Variants in BHMT observed in about 807,000 individuals in gnomAD.
BHMT encodes the protein betaine--homocysteine S-methyltransferase.
BHMT carries 38 observed loss-of-function variants against 49.5 expected under a neutral mutation model. That is an observed-to-expected ratio of 0.77 (90% CI 0.59 to 1.01). The LOEUF (loss-of-function observed/expected upper bound fraction) is 1.01. Among genes scored for constraint, BHMT ranks in the 50% least tolerant of loss-of-function variants. The pLI is 0.00. For synonymous variants in BHMT, 166 were observed against 176.3 expected, an observed-to-expected ratio of 0.94 and a Z score of 0.46; for missense variants, 426 against 495.7, an observed-to-expected ratio of 0.86 and a Z score of 1.34.
intron 5 of BHMT, among the ~76,000 whole-genome samples, chr5:79,123,443 T>C (rs754901955): frequency 8.5e-5 from 13 of 152,350 alleles, no homozygotes; most frequent in Admixed American, 2.0e-4. Context: ...ATAATCTCTC[T>C]TGCTCTTGTT....
intron 1 of BHMT, among the ~76,000 whole-genome samples, chr5:79,113,144 A>G (rs1756333522): frequency 6.6e-6 from 1 of 152,204 alleles, no homozygotes. Context: ...CAGATTCTAA[A>G]TGCAGCATCG....
Position 79,127,737 on chromosome 5 carries a change from T to C in BHMT, c.809-18T>C, listed in dbSNP as rs1189235692. 1.2e-6 allele frequency: 2 copies of C among 1,613,642 alleles called. No homozygotes were observed. Among genetic ancestry groups the C allele is most frequent in the South Asian group, 1.1e-5 (1 of 90,958 alleles). The stretch of plus-strand genomic sequence containing the variant: ...AAAGAATGTATAATGCCTAATGGCA[T>C]AATGCCACTTATTACAGGACTGGAA... On this transcript the variant is annotated intron_variant, in intron 6 of 7. Coordinates refer to ENST00000274353, the MANE Select transcript of BHMT (RefSeq NM_001713.3).
intron 5 of BHMT, among the ~76,000 whole-genome samples, chr5:79,122,658 T>C (rs1008155693): frequency 2.0e-5 from 3 of 151,866 alleles, no homozygotes; most frequent in Non-Finnish European, 4.4e-5. Flanking sequence ...GACTTGGATA[T>C]TGTGGATATA....
At position 79,111,876 on chromosome 5, in the gene BHMT, C is replaced by T. The variant is rs755141410; in HGVS notation, c.-10C>T. 1.9e-6 allele frequency: 3 copies of T among 1,612,456 alleles called. No individual in the cohort carries two copies. Among genetic ancestry groups the T allele is most frequent in the African/African-American group, 2.7e-5 (2 of 74,852 alleles). On this transcript the variant is annotated 5_prime_UTR_variant, in exon 1 of 8. Coordinates refer to ENST00000274353, the MANE Select transcript of BHMT (RefSeq NM_001713.3). ...CATCCGTGTCGACCACCTGTCTGGA[C>T]ACCACGAAGATGCCACCCGTTGGGG...
At chr5:79,114,178 G>C (rs868391183) in intron 1 of BHMT, among the ~76,000 whole-genome samples, 2 of 151,280 alleles carry the variant, frequency 1.3e-5, no homozygotes, top group South Asian at 4.2e-4. Context: ...TTTCAGATGT[G>C]ACATTTAGAT....
Position 79,115,994 on chromosome 5 carries a change from G to C in BHMT, c.166+95G>C, listed in dbSNP as rs947968027. 4 of 1,400,846 alleles carry C rather than the reference G, an allele frequency of 2.9e-6. No individual in the cohort carries two copies. The African/African-American group carries it at 5.9e-5, about 21-fold the overall frequency. The allele number at this position is 1,400,846 out of a possible 1,614,324, so 86.8% of individuals were successfully genotyped here. ...GCAACTCAGGAGGCTGAGGTGGGAA[G>C]ACCACTTGAGCCCAGGAGTTCAAGA... is the stretch of plus-strand genomic sequence containing the variant. On this transcript the variant is annotated intron_variant, in intron 2 of 7. Transcript: ENST00000274353.
chr5:79,111,823 C>G lies in BHMT; in HGVS notation c.-63C>G, dbSNP rs1756303506. On this transcript the variant is annotated 5_prime_UTR_variant, in exon 1 of 8. Coordinates refer to ENST00000274353, the MANE Select transcript of BHMT (RefSeq NM_001713.3). ...GGACTCGGAGCAGCTCGGGGCTGCG[C>G]AGCGGGAAGGCTCGCCTAGTCGGTC... The G allele has an allele frequency of 1.5e-5, 24 of 1,603,136 alleles. No homozygotes were observed. The South Asian group carries it at 2.6e-4, about 17-fold the overall frequency.
intron 2 of BHMT, among the ~76,000 whole-genome samples, chr5:79,117,910 T>C (rs1469176154): frequency 6.6e-6 from 1 of 152,192 alleles, no homozygotes; most frequent in Non-Finnish European, 1.5e-5. Flanking sequence ...GGAGTTTTTT[T>C]CCACTATCTT....
intron 1 of BHMT, 92 bp from the exon 2 acceptor site, chr5:79,115,675 A>G: frequency 7.3e-7 from 1 of 1,371,704 alleles, no homozygotes. Context: ...ATAACCACAC[A>G]TCTCCAAGAA....
chr5:79,131,454 CAT>C lies in BHMT; in HGVS notation c.*339_*340del, dbSNP rs1273234469. The C allele has an allele frequency of 5.3e-6, 1 of 188,418 alleles. No individual in the cohort carries two copies. Among genetic ancestry groups the C allele is most frequent in the Admixed American group, 5.9e-5 (1 of 16,860 alleles). The allele number at this position is 188,418 out of a possible 1,614,324, so 11.7% of individuals were successfully genotyped here. ...TGGTAGGCTAGCAAAGAGGATGAGA[CAT>C]GAACTGTCATAAAGGACTCAGCAAC... is the stretch of plus-strand genomic sequence containing the variant. On this transcript the variant is annotated 3_prime_UTR_variant, in exon 8 of 8. Coordinates refer to ENST00000274353, the MANE Select transcript of BHMT (RefSeq NM_001713.3).
At chr5:79,122,989 G>A (rs914889493) in intron 5 of BHMT, among the ~76,000 whole-genome samples, 1 of 152,136 alleles carries the variant, frequency 6.6e-6, no homozygotes, top group African/African-American at 2.4e-5. Context: ...TTAGCCTTGA[G>A]GAGGAGACAG....
intron 5 of BHMT, among the ~76,000 whole-genome samples, chr5:79,124,786 T>C (rs964216005): frequency 6.6e-6 from 1 of 152,154 alleles, no homozygotes; most frequent in African/African-American, 2.4e-5. Context: ...GAGGCTGAAA[T>C]GTAAATTAAA....
chr5:79,126,333 T>C, intron 6 of BHMT, 105 bp downstream of exon 6: 1 of 1,325,612 alleles, frequency 7.5e-7, no homozygotes, highest in South Asian at 1.3e-5. Flanking sequence ...AAGAGATGGC[T>C]TGGTGTCTCC....
At chr5:79,123,843 C>T (rs1237341617) in intron 5 of BHMT, among the ~76,000 whole-genome samples, 1 of 152,130 alleles carries the variant, frequency 6.6e-6, no homozygotes, top group African/African-American at 2.4e-5. Context: ...TGAGCTACTG[C>T]ACCTGGCCCA....
Position 79,131,126 on chromosome 5 carries a change from A to G in BHMT, c.*10A>G. On this transcript the variant is annotated 3_prime_UTR_variant, in exon 8 of 8. Coordinates refer to ENST00000274353, the MANE Select transcript of BHMT (RefSeq NM_001713.3). ...ATTCAAATCACAGTAGCCTCGATAG[A>G]AGCTATTTTTGATGAATTTCTAGGT... The G allele has an allele frequency of 6.2e-7, 1 of 1,601,354 alleles. No individual in the cohort carries two copies. The highest frequency in any genetic ancestry group is 8.5e-7 in the Non-Finnish European group (1 of 1,174,090).
chr5:79,126,503 C>A (rs1055265600), intron 6 of BHMT, among the ~76,000 whole-genome samples: 4 of 152,108 alleles, frequency 2.6e-5, no homozygotes, highest in African/African-American at 9.7e-5. Context: ...GTGAGTCATA[C>A]TTTGGGGTTG....
At chr5:79,122,347 T>C (rs79932905) in intron 5 of BHMT, among the ~76,000 whole-genome samples, 1,886 of 152,302 alleles carry the variant, frequency 0.012, 34 homozygotes, top group African/African-American at 0.043. Context: ...CCTAACTTAA[T>C]TGATCATGGA....
intron 7 of BHMT, among the ~76,000 whole-genome samples, chr5:79,130,354 G>A (rs1475263779): frequency 6.6e-6 from 1 of 152,148 alleles, no homozygotes; most frequent in Non-Finnish European, 1.5e-5. Context: ...CACCTTCTAT[G>A]ACAAAAACCA....
intron 2 of BHMT, among the ~76,000 whole-genome samples, chr5:79,118,444 G>C (rs933225326): frequency 2.6e-5 from 4 of 152,086 alleles, no homozygotes; most frequent in Non-Finnish European, 4.4e-5. Flanking sequence ...TCCAGCCTGG[G>C]TGACAGAATG....
Sources: gnomAD v4.1 joint callset for allele counts (sites outside exome capture counted in the v4.1 genomes callset) on GRCh38, gnomAD v4.1.1 for gene constraint, MANE v1.5 for transcripts, NCBI Gene and HGNC (gene_info 2026-07-23, HGNC 2026-07-21) for gene names.